The following DNAH14 variants were observed in gnomAD, a reference collection of about 807,000 sequenced individuals.
DNAH14 encodes axonemal beta dynein heavy chain 14.
In DNAH14, 478 loss-of-function variants were observed where a neutral mutation model predicts 520.9. That is an observed-to-expected ratio of 0.92 (90% CI 0.85 to 0.99). The LOEUF is 0.99. DNAH14 is among the 50% of genes least tolerant of loss of function. The pLI is 0.00. For missense variants in DNAH14, 4,831 were observed against 5,234.5 expected (o/e 0.92, Z 2.38); for synonymous variants, 1,581 against 1,757.2 (o/e 0.90, Z 2.51).
chr1:224,936,724 C>T (rs1288349031), intron 1 of DNAH14, among the ~76,000 whole-genome samples: 1 of 151,842 alleles, frequency 6.6e-6, no homozygotes, highest in Non-Finnish European at 1.5e-5. Flanking sequence ...TCCTACAAGG[C>T]TGGCATTAAC....
At chr1:225,130,670 TG>T (rs1346555546) in intron 27 of DNAH14, among the ~76,000 whole-genome samples, 2 of 73,828 alleles carry the variant, frequency 2.7e-5, no homozygotes, top group African/African-American at 1.2e-4. Flanking sequence ...GGGACTGTTG[TG>T]GGGTGGGGGG....
chr1:225,231,125 T>A lies in DNAH14; in HGVS notation c.6492T>A (p.Ser2164=), dbSNP rs1309918939. 2.6e-6 allele frequency: 4 copies of A among 1,547,724 alleles called. No individual in the cohort carries two copies. The South Asian group carries it at 3.6e-5, about 14-fold the overall frequency. ...AGGAGGCAAATTCCCAAAGAGAGTC[T>A]GTCACATTCAAGGATATAGAAAAGA... ...SSKEANSQRE[S]VTFKDIEKRD... Residue 2164 remains serine, a synonymous_variant, in exon 42 of 86, where the codon TCT becomes TCA. Transcript: ENST00000682510.
intron 44 of DNAH14, among the ~76,000 whole-genome samples, chr1:225,255,882 G>T (rs998455243): frequency 1.1e-4 from 16 of 152,034 alleles, no homozygotes; most frequent in African/African-American, 3.9e-4. Context: ...GACACAATTT[G>T]AAAAAGAACC....
At chr1:224,984,815 A>G (rs1469955765) in intron 8 of DNAH14, among the ~76,000 whole-genome samples, 2 of 152,210 alleles carry the variant, frequency 1.3e-5, no homozygotes, top group African/African-American at 4.8e-5. Context: ...AAGGACATAA[A>G]TAGAAAATTC....
chr1:225,344,691 T>TTTTATTTATTTACTTATTTA (rs1393199108), intron 69 of DNAH14, among the ~76,000 whole-genome samples: 3 of 143,058 alleles, frequency 2.1e-5, no homozygotes, highest in South Asian at 2.3e-4. Flanking sequence ...CTAGCCATTC[T>TTTTATTTATTTACTTATTTA]TTTATTTATT....
At chr1:225,210,272 T>C (rs61851519) in intron 41 of DNAH14, among the ~76,000 whole-genome samples, 23,449 of 152,096 alleles carry the variant, frequency 0.15, 2,132 homozygotes, top group East Asian at 0.36. Context: ...TTGAAATTCT[T>C]GCTGCCAGCA....
intron 43 of DNAH14, chr1:225,250,688 C>T (rs374859085): frequency 7.2e-6 from 4 of 558,328 alleles, no homozygotes; most frequent in East Asian, 3.3e-5. Flanking sequence ...ACAGGGCAGA[C>T]GGAGAAAGGG....
intron 84 of DNAH14, among the ~76,000 whole-genome samples, chr1:225,394,622 C>T (rs1376957825): frequency 6.6e-6 from 1 of 152,144 alleles, no homozygotes; most frequent in African/African-American, 2.4e-5. Context: ...GTGGGCAGCT[C>T]ACCTGAGATC....
chr1:224,932,626 C>T (rs762058291), intron 1 of DNAH14, among the ~76,000 whole-genome samples: 2 of 152,000 alleles, frequency 1.3e-5, no homozygotes, highest in Non-Finnish European at 2.9e-5. Flanking sequence ...AGATAGTGGT[C>T]CAGTTTCATT....
At position 225,049,099 on chromosome 1, in the gene DNAH14, ACC is replaced by A. The variant is rs1481800038; in HGVS notation, c.1913-1109_1913-1108del. Among the ~76,000 whole-genome samples, 5 of 114,080 alleles carry A rather than the reference ACC, an allele frequency of 4.4e-5. No individual in the cohort carries two copies. The East Asian group carries it at 1.4e-3, about 31-fold the overall frequency. The allele number at this position is 114,080 out of a possible 152,430, so 74.8% of individuals were successfully genotyped here. A position where few individuals can be genotyped will look rare whatever the true frequency, so the allele number is the denominator to read the frequency against. On this transcript the variant is annotated intron_variant, in intron 15 of 85. Transcript: ENST00000682510. Reference sequence around the variant, plus strand: ...TTTTGAGATGGAGTCTTGCTCTATCACCCAGGCTGGAGTGCAGTGGCACTATC... The same window carrying A: ...TTTTGAGATGGAGTCTTGCTCTATCACAGGCTGGAGTGCAGTGGCACTATC...
rs1175133189 is a variant in DNAH14, at chr1:225,050,201, A to G, written c.1913-9A>G. On this transcript the variant is annotated splice_polypyrimidine_tract_variant and intron_variant, in intron 15 of 85. Transcript: ENST00000682510. ...TCTGAAGTACTGACTTTTAAATTAT[A>G]TATTTTAGCCACAATTACTCCTCTT... 5.9e-6 allele frequency: 9 copies of G among 1,523,908 alleles called. No homozygotes were observed. Among genetic ancestry groups the G allele is most frequent in the African/African-American group, 1.4e-5 (1 of 71,070 alleles). The allele number at this position is 1,523,908 out of a possible 1,614,324, so 94.4% of individuals were successfully genotyped here.
intron 49 of DNAH14, among the ~76,000 whole-genome samples, chr1:225,268,685 CAG>C (rs2093207617): frequency 6.6e-6 from 1 of 152,068 alleles, no homozygotes; most frequent in South Asian, 2.1e-4. Context: ...ACACCAATAA[CAG>C]ACAAACAGAG....
At chr1:225,337,954 TATTC>T in intron 67 of DNAH14, 103 bp from the exon 68 acceptor site, 1 of 1,135,466 alleles carries the variant, frequency 8.8e-7, no homozygotes, top group Non-Finnish European at 1.2e-6. Context: ...TACTAGGTCT[TATTC>T]ATTCTTTCTA....
chr1:225,313,233 G>A (rs546072854), intron 60 of DNAH14, among the ~76,000 whole-genome samples: 27 of 152,338 alleles, frequency 1.8e-4, no homozygotes, highest in Non-Finnish European at 3.4e-4. Flanking sequence ...TATTTGTGTA[G>A]AGGTGTTTAT....
chr1:225,388,454 A>T lies in DNAH14; in HGVS notation c.13153A>T (p.Thr4385Ser). ...CATCCAGCGACTGAATTTCTTCAAT[A>T]CTTGGGCCAAAGTGGCTTATACTGC... ...DLIQRLNFFN[T>S]WAKVAYTAIQ... Residue 4385 changes from threonine (T) to serine (S), a missense_variant, in exon 82 of 86, where the codon ACT (threonine) becomes TCT (serine). Transcript: ENST00000682510. 1 of 1,534,952 alleles carries T rather than the reference A, an allele frequency of 6.5e-7. No individual in the cohort carries two copies. Among genetic ancestry groups the T allele is most frequent in the East Asian group, 2.5e-5 (1 of 40,422 alleles).
chr1:225,364,598 G>T (rs932336364), intron 75 of DNAH14, among the ~76,000 whole-genome samples, 194 bp from the exon 76 acceptor site: 1 of 123,800 alleles, frequency 8.1e-6, no homozygotes, highest in African/African-American at 3.2e-5. Context: ...GGGAAAGAAA[G>T]CTACTCTTAA....
At chr1:224,960,056 T>C (rs2060747504) in intron 3 of DNAH14, 97 bp from the exon 4 acceptor site, 9 of 1,246,318 alleles carry the variant, frequency 7.2e-6, no homozygotes, top group Non-Finnish European at 9.7e-6. Flanking sequence ...TATACTGCCT[T>C]ATATAATCAT....
chr1:225,176,631 G>A (rs1234101194), intron 36 of DNAH14, among the ~76,000 whole-genome samples: 1 of 151,404 alleles, frequency 6.6e-6, no homozygotes, highest in Non-Finnish European at 1.5e-5. Context: ...ATTGAATTAT[G>A]GGGCAGGTCT....
At chr1:225,183,572 A>G (rs1192215954) in intron 36 of DNAH14, among the ~76,000 whole-genome samples, 1 of 152,148 alleles carries the variant, frequency 6.6e-6, no homozygotes, top group Non-Finnish European at 1.5e-5. Flanking sequence ...TCAGAGCAGA[A>G]CTGAAGAAAA....
Sources: allele counts gnomAD v4.1 joint callset (sites outside exome capture counted in the v4.1 genomes callset), GRCh38; gene constraint gnomAD v4.1.1; transcripts MANE v1.5; gene names NCBI Gene and HGNC (gene_info 2026-07-23, HGNC 2026-07-21).